The following COP1 variants were observed in gnomAD, a reference collection of about 807,000 sequenced individuals.
COP1 encodes COP1 E3 ubiquitin ligase.
Under a neutral mutation model 101.3 loss-of-function variants are expected in COP1, and 24 were observed. The observed-to-expected ratio is 0.24, with a 90% CI of 0.17 to 0.33. The LOEUF (loss-of-function observed/expected upper bound fraction) is 0.33, where lower values mean the gene tolerates loss of function less well. Ranked by LOEUF, COP1 falls within the 10% of genes least tolerant of loss-of-function variation. The probability of loss-of-function intolerance (pLI) is 1.00; values close to 1 mark genes in which losing one functional copy is unlikely to be tolerated. For missense variants in COP1, 663 were observed against 906.2 expected (o/e 0.73, Z 3.45); for synonymous variants, 347 against 341.9 (o/e 1.01, Z -0.17).
intron 1 of COP1, among the ~76,000 whole-genome samples, chr1:176,193,734 A>G (rs1158157740): frequency 6.6e-6 from 1 of 152,198 alleles, no homozygotes; most frequent in Non-Finnish European, 1.5e-5. Flanking sequence ...TTGCATTTAT[A>G]TGAAGTGTCT....
At chr1:176,101,838 A>T (rs1342507516) in intron 9 of COP1, among the ~76,000 whole-genome samples, 1 of 152,186 alleles carries the variant, frequency 6.6e-6, no homozygotes, top group East Asian at 1.9e-4. Context: ...CAGGCCTCTC[A>T]GGGAGATCTG....
intron 5 of COP1, among the ~76,000 whole-genome samples, chr1:176,155,454 G>GA (rs1288950474): frequency 6.6e-6 from 1 of 151,366 alleles, no homozygotes; most frequent in Non-Finnish European, 1.5e-5. Context: ...AAATTCACAG[G>GA]AAAAAAAGGA....
At chr1:176,109,205 T>G (rs1684868297) in intron 9 of COP1, among the ~76,000 whole-genome samples, 1 of 152,180 alleles carries the variant, frequency 6.6e-6, no homozygotes, top group African/African-American at 2.4e-5. Flanking sequence ...CTTTCTCAAT[T>G]TGGGTTTAAA....
At chr1:175,953,893 T>G (rs999414454) in intron 18 of COP1, among the ~76,000 whole-genome samples, 12 of 151,744 alleles carry the variant, frequency 7.9e-5, no homozygotes, top group Non-Finnish European at 1.0e-4. Flanking sequence ...AAAGACTAAG[T>G]AGAGAGAAAA....
chr1:176,062,427 G>A (rs1210845922), intron 11 of COP1, among the ~76,000 whole-genome samples: 3 of 152,104 alleles, frequency 2.0e-5, no homozygotes, highest in Non-Finnish European at 4.4e-5. Flanking sequence ...GAAAAACAAT[G>A]AGAAAATGCC....
At chr1:175,968,346 A>T (rs1652503046) in intron 18 of COP1, 1 of 471,460 alleles carries the variant, frequency 2.1e-6, no homozygotes, top group Non-Finnish European at 4.2e-6. Flanking sequence ...TAACCAGCAG[A>T]TACTGAATAA....
chr1:176,097,868 CAAA>C (rs35822200), intron 9 of COP1, among the ~76,000 whole-genome samples: 8 of 79,312 alleles, frequency 1.0e-4, no homozygotes, highest in Non-Finnish European at 1.6e-4. Flanking sequence ...AACTCCATCT[CAAA>C]AAAAAAAAAA....
At chr1:176,039,015 G>C (rs916346307) in intron 14 of COP1, among the ~76,000 whole-genome samples, 18 of 152,102 alleles carry the variant, frequency 1.2e-4, no homozygotes, top group African/African-American at 4.1e-4. Context: ...ACTAACAGTA[G>C]AATACACATT....
At chr1:176,161,439 A>T (rs540186031) in intron 5 of COP1, among the ~76,000 whole-genome samples, 18 of 152,206 alleles carry the variant, frequency 1.2e-4, no homozygotes, top group South Asian at 6.2e-4. Flanking sequence ...AAATAAAAAT[A>T]AAAATAAACT....
intron 15 of COP1, among the ~76,000 whole-genome samples, chr1:176,027,204 T>C (rs1667819439): frequency 1.3e-5 from 2 of 152,194 alleles, no homozygotes; most frequent in Admixed American, 1.3e-4. Context: ...GAAAGAATAG[T>C]TTGCCTTAAA....
chr1:175,966,291 AC>A (rs1328357986), intron 18 of COP1, among the ~76,000 whole-genome samples: 1 of 14,100 alleles, frequency 7.1e-5, no homozygotes, highest in East Asian at 6.8e-3. Flanking sequence ...ACACACACAC[AC>A]ACACACACAC....
intron 1 of COP1, among the ~76,000 whole-genome samples, chr1:176,205,629 T>A (rs1405997189): frequency 3.3e-5 from 5 of 152,216 alleles, no homozygotes; most frequent in African/African-American, 9.7e-5. Flanking sequence ...AGCAATTACT[T>A]CTCATAATCC....
intron 15 of COP1, among the ~76,000 whole-genome samples, chr1:176,020,312 G>GAA (rs72482029): frequency 2.1e-4 from 18 of 85,142 alleles, no homozygotes; most frequent in South Asian, 4.1e-4. Flanking sequence ...CTCCATCTCG[G>GAA]AAAAAAAAAA....
At chr1:176,013,756 C>T (rs61822768) in intron 15 of COP1, among the ~76,000 whole-genome samples, 8,853 of 152,234 alleles carry the variant, frequency 0.058, 374 homozygotes, top group Middle Eastern at 0.12. Flanking sequence ...CTCACTATTA[C>T]TAACACAGTG....
chr1:176,094,100 A>C (rs1213077886), intron 9 of COP1, among the ~76,000 whole-genome samples: 1 of 152,126 alleles, frequency 6.6e-6, no homozygotes, highest in African/African-American at 2.4e-5. Flanking sequence ...AGATGAGAAT[A>C]ATTAACAATA....
At chr1:176,099,920 T>G (rs1478924617) in intron 9 of COP1, among the ~76,000 whole-genome samples, 2 of 152,192 alleles carry the variant, frequency 1.3e-5, no homozygotes, top group African/African-American at 2.4e-5. Flanking sequence ...TGGCTGGGCT[T>G]GGCTTTAAAA....
chr1:176,139,791 A>G (rs147920486), intron 6 of COP1, among the ~76,000 whole-genome samples: 1 of 152,152 alleles, frequency 6.6e-6, no homozygotes, highest in Non-Finnish European at 1.5e-5. Context: ...CAACAGACAC[A>G]GGGAACTACT....
At chr1:176,192,303 T>C (rs1699192900) in intron 1 of COP1, among the ~76,000 whole-genome samples, 1 of 152,192 alleles carries the variant, frequency 6.6e-6, no homozygotes, top group Non-Finnish European at 1.5e-5. Flanking sequence ...ATTCGTCTTG[T>C]GTAGTTATAA....
At chr1:176,191,942 A>G (rs1699156149) in intron 1 of COP1, among the ~76,000 whole-genome samples, 1 of 152,174 alleles carries the variant, frequency 6.6e-6, no homozygotes, top group South Asian at 2.1e-4. Flanking sequence ...ATTTAACAAT[A>G]AAATATTTTT....
Sources: allele counts gnomAD v4.1 joint callset (sites outside exome capture counted in the v4.1 genomes callset), GRCh38; gene constraint gnomAD v4.1.1; transcripts MANE v1.5; gene names NCBI Gene and HGNC (gene_info 2026-07-23, HGNC 2026-07-21).